RP2: variants seen among roughly 807,000 people sequenced by gnomAD.
RP2 encodes the protein protein XRP2.
In RP2, 3 loss-of-function variants were observed where a neutral mutation model predicts 20.3. The ratio of observed to expected loss-of-function variants is 0.15; its 90% CI spans 0.07 to 0.38. RP2 has a LOEUF of 0.38. RP2 is among the 10% of genes least tolerant of loss of function. The pLI, the probability that RP2 is intolerant of heterozygous loss-of-function variation, is 1.00. For synonymous variants in RP2, 75 were observed against 94.8 expected, an observed-to-expected ratio of 0.79 and a Z score of 1.22; for missense variants, 233 against 268.5, an observed-to-expected ratio of 0.87 and a Z score of 0.92.
chrX:46,846,073 C>T lies in RP2; in HGVS notation c.103-7403C>T, dbSNP rs1424822444. 2.7e-5 allele frequency among the ~76,000 whole-genome samples: 3 copies of T among 111,437 alleles called. No individual in the cohort carries two copies. In the Admixed American group the frequency reaches 2.9e-4, roughly 11 times the overall value. ...GAACCACCACACCCAGCCGGGAGTT[C>T]CTTTTTAATTGCTGAGTGGTATTCC... On this transcript the variant is annotated intron_variant, in intron 1 of 4. Transcript: ENST00000218340.
intron 1 of RP2, among the ~76,000 whole-genome samples, chrX:46,845,790 G>T (rs782595729): frequency 1.4e-4 from 15 of 110,377 alleles, no homozygotes; most frequent in Non-Finnish European, 2.3e-4. Flanking sequence ...TTGAGATGGG[G>T]TCTCACTGTG....
At chrX:46,848,046 AC>A (rs1474933503) in intron 1 of RP2, among the ~76,000 whole-genome samples, 1 of 104,937 alleles carries the variant, frequency 9.5e-6, no homozygotes, top group Admixed American at 1.0e-4. Context: ...ATAGTACACA[AC>A]CCTTATGGGG....
chrX:46,838,222 G>A (rs1356468945), intron 1 of RP2, among the ~76,000 whole-genome samples: 1 of 112,332 alleles, frequency 8.9e-6, no homozygotes, highest in East Asian at 2.8e-4. Context: ...ATCCCCAGCA[G>A]AATGTATTCA....
chrX:46,854,907 G>A (rs1215140593), intron 2 of RP2, among the ~76,000 whole-genome samples: 3 of 110,495 alleles, frequency 2.7e-5, no homozygotes, highest in African/African-American at 9.9e-5. Context: ...TGGAACTATA[G>A]GTGGGCGCCA....
intron 4 of RP2, among the ~76,000 whole-genome samples, chrX:46,878,836 C>G (rs145514480): frequency 1.8e-5 from 2 of 110,532 alleles, no homozygotes; most frequent in Non-Finnish European, 3.8e-5. Context: ...AGAATAGAAC[C>G]CACATCTGCT....
intron 3 of RP2, among the ~76,000 whole-genome samples, chrX:46,867,425 T>G (rs1046006840): frequency 8.9e-6 from 1 of 112,961 alleles, no homozygotes; most frequent in Non-Finnish European, 1.9e-5. Flanking sequence ...TATTGCTGAA[T>G]AGTATTCCTT....
chrX:46,871,182 C>T (rs1051411042), intron 3 of RP2, among the ~76,000 whole-genome samples: 3 of 108,399 alleles, frequency 2.8e-5, no homozygotes, highest in African/African-American at 6.7e-5. Context: ...CCACCACGCC[C>T]GGCTAATATT....
intron 1 of RP2, among the ~76,000 whole-genome samples, chrX:46,840,816 T>C (rs1292209955): frequency 3.6e-5 from 4 of 112,479 alleles, no homozygotes; most frequent in African/African-American, 6.5e-5. Flanking sequence ...GAGGATTAAC[T>C]CTAAACAATT....
At chrX:46,837,812 G>T (rs782154747) in intron 1 of RP2, among the ~76,000 whole-genome samples, 1 of 112,068 alleles carries the variant, frequency 8.9e-6, no homozygotes, top group East Asian at 2.8e-4. Context: ...AATGAATATC[G>T]CATCAGTCTT....
rs1197634644 is a variant in RP2, at chrX:46,881,240, G to A, written c.*1471G>A. On this transcript the variant is annotated 3_prime_UTR_variant, in exon 5 of 5. Coordinates refer to ENST00000218340, the MANE Select transcript of RP2 (RefSeq NM_006915.3). ...GTAATATTGAGCGCTCACCCTGTGC[G>A]TGGCCTTGTGCTAACCATTAGCACT... 2.7e-5 allele frequency: 3 copies of A among 111,185 alleles called. No individual in the cohort carries two copies. Among genetic ancestry groups the A allele is most frequent in the Non-Finnish European group, 5.7e-5 (3 of 53,011 alleles). The allele number at this position is 111,185 out of a possible 1,213,427, so 9.2% of individuals were successfully genotyped here. A position where few individuals can be genotyped will look rare whatever the true frequency, so the allele number is the denominator to read the frequency against.
intron 3 of RP2, among the ~76,000 whole-genome samples, chrX:46,875,565 A>G (rs931381974): frequency 9.1e-6 from 1 of 110,293 alleles, no homozygotes; most frequent in African/African-American, 3.3e-5. Context: ...AGTAAGGAGG[A>G]TCTCTCTAAG....
intron 1 of RP2, among the ~76,000 whole-genome samples, chrX:46,851,593 G>A (rs781818302): frequency 5.6e-5 from 6 of 107,172 alleles, no homozygotes; most frequent in Non-Finnish European, 3.8e-5. Context: ...CCAAGATTGC[G>A]CCATTGCACT....
intron 2 of RP2, among the ~76,000 whole-genome samples, chrX:46,855,952 C>G (rs1924952467): frequency 9.0e-6 from 1 of 111,435 alleles, no homozygotes; most frequent in Admixed American, 9.6e-5. Flanking sequence ...GTTTTTAAAC[C>G]AACAGAAGCC....
intron 2 of RP2, among the ~76,000 whole-genome samples, chrX:46,857,485 C>T (rs1291673201): frequency 8.9e-6 from 1 of 111,758 alleles, no homozygotes; most frequent in Non-Finnish European, 1.9e-5. Flanking sequence ...CCTGAACCCA[C>T]GAGGCGGAGG....
rs370390116 is a variant in RP2, at chrX:46,837,758, G to A, written c.102+556G>A. ...TCAATTACCAAGTGGACTGTTTAATGTACAGCTTTACTCCCCCTCCTCTTC... is the reference window on the plus strand; with the variant it reads ...TCAATTACCAAGTGGACTGTTTAATATACAGCTTTACTCCCCCTCCTCTTC... On this transcript the variant is annotated intron_variant, in intron 1 of 4. Transcript: ENST00000218340. Among the ~76,000 whole-genome samples the A allele has an allele frequency of 9.8e-4, 110 of 112,042 alleles. 1 individual carries two copies. The South Asian group carries it at 0.037, about 38-fold the overall frequency.
At chrX:46,872,954 G>T (rs1556326985) in intron 3 of RP2, among the ~76,000 whole-genome samples, 1 of 111,024 alleles carries the variant, frequency 9.0e-6, no homozygotes, top group Admixed American at 9.7e-5. Context: ...GCCTAGGCTG[G>T]TCTTGAACTC....
intron 1 of RP2, 43 bp from the exon 2 acceptor site, chrX:46,853,433 A>G: frequency 8.7e-7 from 1 of 1,145,700 alleles, no homozygotes; most frequent in Non-Finnish European, 1.2e-6. Context: ...ATACTTGTTG[A>G]ATAATGTTAA....
intron 2 of RP2, 45 bp from the exon 3 acceptor site, chrX:46,859,943 C>A (rs1556319867): frequency 1.1e-6 from 1 of 916,235 alleles, no homozygotes; most frequent in South Asian, 2.0e-5. Flanking sequence ...TTGTTTTAGT[C>A]TCAGAAGTTC....
At chrX:46,863,319 G>A (rs1275111673) in intron 3 of RP2, among the ~76,000 whole-genome samples, 5 of 112,576 alleles carry the variant, frequency 4.4e-5, no homozygotes, top group African/African-American at 1.6e-4. Context: ...TGTTTATTTT[G>A]TAATAAAGCA....
Sources: allele counts gnomAD v4.1 joint callset (sites outside exome capture counted in the v4.1 genomes callset), GRCh38; gene constraint gnomAD v4.1.1; transcripts MANE v1.5; gene names NCBI Gene and HGNC (gene_info 2026-07-23, HGNC 2026-07-21).